Variants in LRP1B observed in about 807,000 individuals in gnomAD.
LRP1B encodes the protein low-density lipoprotein receptor-related protein 1B.
Under a neutral mutation model 556.6 loss-of-function variants are expected in LRP1B, and 217 were observed. That is an observed-to-expected ratio of 0.39 (90% CI 0.35 to 0.44). LRP1B has a LOEUF of 0.44. Among genes scored for constraint, LRP1B ranks in the 20% least tolerant of loss-of-function variants. The pLI, the probability that LRP1B is intolerant of heterozygous loss-of-function variation, is 1.00. For synonymous variants in LRP1B, 2,047 were observed against 1,865.8 expected, an observed-to-expected ratio of 1.10 and a Z score of -2.50; for missense variants, 5,053 against 5,620.8, an observed-to-expected ratio of 0.90 and a Z score of 3.23.
At chr2:140,356,129 T>C (rs1037683736) in intron 75 of LRP1B, among the ~76,000 whole-genome samples, 7 of 151,706 alleles carry the variant, frequency 4.6e-5, no homozygotes, top group East Asian at 1.9e-4. Flanking sequence ...GAATTTGCTA[T>C]AGAAAAAGCT....
chr2:142,016,166 AAT>A (rs1703124208), intron 1 of LRP1B, among the ~76,000 whole-genome samples: 1 of 152,118 alleles, frequency 6.6e-6, no homozygotes, highest in Admixed American at 6.5e-5. Context: ...GCGATCATTA[AAT>A]AGTCAGGAAA....
chr2:140,597,268 C>G (rs543693354), intron 43 of LRP1B, among the ~76,000 whole-genome samples: 3 of 151,944 alleles, frequency 2.0e-5, no homozygotes, highest in Non-Finnish European at 2.9e-5. Context: ...CAGAAAAAAT[C>G]CTTTAAATTA....
At chr2:141,093,960 G>A (rs545631995) in intron 7 of LRP1B, among the ~76,000 whole-genome samples, 94 of 151,984 alleles carry the variant, frequency 6.2e-4, no homozygotes, top group Middle Eastern at 3.4e-3. Flanking sequence ...CAAGTGATCC[G>A]CCCGCCTTAG....
rs1372561538 is a variant in LRP1B at position 140,501,582 on chromosome 2, ATAT to A, written c.8850+102_8850+104del. The A allele has an allele frequency of 4.1e-6, 3 of 728,952 alleles. No individual in the cohort carries two copies. In the African/African-American group the frequency reaches 5.4e-5, roughly 13 times the overall value. 45.2% of individuals were successfully genotyped at this position (728,952 alleles called of 1,614,324 possible). On this transcript the variant is annotated intron_variant, in intron 55 of 90. Coordinates refer to ENST00000389484, the MANE Select transcript of LRP1B (RefSeq NM_018557.3). The stretch of plus-strand genomic sequence containing the variant: ...GACACTCTCCATTCAATTCGTTTTA[ATAT>A]TATGATGGCTTTTAACTTTTTCATC...
At chr2:141,307,839 G>C (rs1686655363) in intron 3 of LRP1B, among the ~76,000 whole-genome samples, 1 of 152,126 alleles carries the variant, frequency 6.6e-6, no homozygotes, top group Non-Finnish European at 1.5e-5. Flanking sequence ...GGCAGCAGTG[G>C]GCCAAGTGTG....
In LRP1B at chr2:141,062,249, C is replaced by T. The variant is rs2105468868; in HGVS notation, c.1038G>A (p.Gly346=). ...CACATCTCTCCACTTTGGCGACATT[C>T]CCGTAGTCAGTAAAGAAAAGTTTTC... ...IAGKLFFTDY[G]NVAKVERCDM... is the part of the protein sequence containing the mutation. Residue 346 remains glycine, a synonymous_variant, in exon 8 of 91, where the codon GGG becomes GGA. Coordinates refer to ENST00000389484, the MANE Select transcript of LRP1B (RefSeq NM_018557.3). The T allele has an allele frequency of 6.2e-7, 1 of 1,609,096 alleles. No homozygotes were observed. Among genetic ancestry groups the T allele is most frequent in the South Asian group, 1.1e-5 (1 of 90,522 alleles).
chr2:140,910,770 A>G (rs1694397146), intron 21 of LRP1B, among the ~76,000 whole-genome samples: 1 of 151,896 alleles, frequency 6.6e-6, no homozygotes, highest in Non-Finnish European at 1.5e-5. Context: ...TTAGATAAAG[A>G]TCAAAAAGTT....
chr2:140,975,801 C>T (rs1211962316), intron 18 of LRP1B, among the ~76,000 whole-genome samples: 1 of 152,096 alleles, frequency 6.6e-6, no homozygotes, highest in African/African-American at 2.4e-5. Flanking sequence ...TAATCAGGAA[C>T]TTTGCTTTTC....
intron 7 of LRP1B, among the ~76,000 whole-genome samples, chr2:141,079,965 T>C (rs1409674011): frequency 6.6e-6 from 1 of 152,256 alleles, no homozygotes; most frequent in Non-Finnish European, 1.5e-5. Flanking sequence ...AATATCAGTA[T>C]GTCTAAATTT....
intron 31 of LRP1B, among the ~76,000 whole-genome samples, chr2:140,820,343 C>T (rs1691284145): frequency 6.6e-6 from 1 of 152,184 alleles, no homozygotes; most frequent in Non-Finnish European, 1.5e-5. Context: ...TTTATCTTAA[C>T]ATGATCTAAA....
chr2:140,889,714 C>T (rs930416625), intron 23 of LRP1B, among the ~76,000 whole-genome samples: 1 of 152,156 alleles, frequency 6.6e-6, no homozygotes, highest in Admixed American at 6.5e-5. Context: ...AATTATATAA[C>T]CACCATGCCA....
intron 15 of LRP1B, among the ~76,000 whole-genome samples, chr2:140,998,129 A>G (rs574665284): frequency 1.4e-3 from 216 of 152,092 alleles, no homozygotes; most frequent in African/African-American, 5.0e-3. Context: ...ACAGAGGAAT[A>G]TATCTGGGGC....
chr2:140,279,729 T>G (rs2104962820), intron 84 of LRP1B, among the ~76,000 whole-genome samples: 1 of 152,092 alleles, frequency 6.6e-6, no homozygotes, highest in African/African-American at 2.4e-5. Context: ...AATTGTTTAC[T>G]TTGGTTCTAA....
chr2:140,409,924 T>C (rs561901777), intron 66 of LRP1B, among the ~76,000 whole-genome samples: 3 of 152,224 alleles, frequency 2.0e-5, no homozygotes, highest in South Asian at 2.1e-4. Flanking sequence ...CTCAGTTTTA[T>C]AGACTCTAAG....
intron 66 of LRP1B, among the ~76,000 whole-genome samples, chr2:140,397,568 T>C (rs1684308895): frequency 6.6e-6 from 1 of 152,178 alleles, no homozygotes; most frequent in African/African-American, 2.4e-5. Flanking sequence ...CATGGCGTGT[T>C]TCTGACTATA....
intron 5 of LRP1B, among the ~76,000 whole-genome samples, chr2:141,232,354 T>C (rs1013053838): frequency 1.3e-5 from 2 of 152,190 alleles, no homozygotes; most frequent in Non-Finnish European, 2.9e-5. Flanking sequence ...TGAAATGACC[T>C]TTAGTGAAAC....
intron 86 of LRP1B, chr2:140,269,450 C>T: frequency 2.2e-6 from 1 of 453,834 alleles, no homozygotes; most frequent in South Asian, 1.6e-5. Flanking sequence ...GTTTTAAATT[C>T]ATTTCATACA....
At chr2:140,815,425 A>G (rs1156557695) in intron 31 of LRP1B, among the ~76,000 whole-genome samples, 2 of 151,822 alleles carry the variant, frequency 1.3e-5, no homozygotes, top group African/African-American at 4.8e-5. Flanking sequence ...TCCCACCTCA[A>G]CCTCCTGAGC....
At chr2:141,393,789 C>G (rs551104699) in intron 3 of LRP1B, among the ~76,000 whole-genome samples, 1 of 152,104 alleles carries the variant, frequency 6.6e-6, no homozygotes, top group East Asian at 1.9e-4. Flanking sequence ...CCTCAAAAAG[C>G]AGAGTTATAC....
Sources: gnomAD v4.1 joint callset for allele counts (sites outside exome capture counted in the v4.1 genomes callset) on GRCh38, gnomAD v4.1.1 for gene constraint, MANE v1.5 for transcripts, NCBI Gene and HGNC (gene_info 2026-07-23, HGNC 2026-07-21) for gene names.